Variants in AOAH observed in about 807,000 individuals in gnomAD.
AOAH encodes the protein acyloxyacyl hydrolase.
A neutral mutation model predicts 92.2 loss-of-function variants in AOAH; 64 were observed. That is an observed-to-expected ratio of 0.69 (90% confidence interval 0.57 to 0.86). The LOEUF is 0.86. Ranked by LOEUF, AOAH falls within the 40% of genes least tolerant of loss-of-function variation. The probability of loss-of-function intolerance (pLI) is 0.00; values close to 1 mark genes in which losing one functional copy is unlikely to be tolerated. For synonymous variants in AOAH, 263 were observed against 254.5 expected (o/e 1.03, Z -0.32); for missense variants, 656 against 694.6 (o/e 0.94, Z 0.62).
At chr7:36,588,283 G>A (rs895076661) in intron 12 of AOAH, among the ~76,000 whole-genome samples, 9 of 152,090 alleles carry the variant, frequency 5.9e-5, no homozygotes, top group South Asian at 2.1e-4. Context: ...TGTACCAATG[G>A]CTACATAGTG....
chr7:36,656,770 C>T (rs12531648), intron 4 of AOAH, among the ~76,000 whole-genome samples: 98,257 of 148,050 alleles, frequency 0.66, 33,437 homozygotes, highest in East Asian at 0.84. Context: ...TGCTTTATTG[C>T]TGCAAGGCCT....
chr7:36,545,101 G>C (rs1562554045), intron 15 of AOAH, among the ~76,000 whole-genome samples: 1 of 151,856 alleles, frequency 6.6e-6, no homozygotes, highest in Non-Finnish European at 1.5e-5. Context: ...ACCCAGGCTG[G>C]AGGGCAGTGG....
intron 4 of AOAH, among the ~76,000 whole-genome samples, chr7:36,652,389 A>G (rs922122853): frequency 1.3e-5 from 2 of 152,284 alleles, no homozygotes; most frequent in Non-Finnish European, 2.9e-5. Context: ...TCAATAAATT[A>G]GGGAGGAGAG....
intron 5 of AOAH, 55 bp downstream of exon 5, chr7:36,637,796 A>G: frequency 1.2e-5 from 19 of 1,528,688 alleles, no homozygotes; most frequent in Non-Finnish European, 1.7e-5. Flanking sequence ...AGCCGGGGCC[A>G]GTGAGAGAGG....
At chr7:36,607,611 C>T (rs1791104291) in intron 11 of AOAH, among the ~76,000 whole-genome samples, 1 of 152,216 alleles carries the variant, frequency 6.6e-6, no homozygotes, top group Non-Finnish European at 1.5e-5. Context: ...GAAACATACA[C>T]TCTTCCGGTT....
At position 36,533,521 on chromosome 7, in the gene AOAH, G is replaced by A. The variant is rs1784822124; in HGVS notation, c.1307-1177C>T. Among the ~76,000 whole-genome samples the A allele has an allele frequency of 2.0e-5, 3 of 152,274 alleles. No homozygotes were observed. In the South Asian group the frequency reaches 6.2e-4, roughly 32 times the overall value. ...AAAGTCACAGTGACCCGCCAGGTCT[G>A]TCTTCTGTACAGGCTTCTGTATCTT... is the stretch of plus-strand genomic sequence containing the variant. On this transcript the variant is annotated intron_variant, in intron 16 of 20. Transcript: ENST00000617537.
intron 13 of AOAH, among the ~76,000 whole-genome samples, chr7:36,574,377 A>G (rs1788344725): frequency 6.6e-6 from 1 of 152,164 alleles, no homozygotes; most frequent in South Asian, 2.1e-4. Context: ...TATCTTTGCA[A>G]TCTGAATTTT....
chr7:36,638,089 C>T (rs1793647099), intron 4 of AOAH, among the ~76,000 whole-genome samples, 179 bp from the exon 5 acceptor site: 1 of 152,122 alleles, frequency 6.6e-6, no homozygotes, highest in Admixed American at 6.5e-5. Flanking sequence ...TTATTTTGGG[C>T]TTTGCTTTGT....
chr7:36,641,013 G>T (rs1361301485), intron 4 of AOAH, among the ~76,000 whole-genome samples: 1 of 152,164 alleles, frequency 6.6e-6, no homozygotes, highest in East Asian at 1.9e-4. Context: ...ACCCTCAGGG[G>T]TTGAGAAAGC....
chr7:36,594,533 C>T (rs751351922), intron 11 of AOAH, 103 bp from the exon 12 acceptor site: 32 of 963,126 alleles, frequency 3.3e-5, no homozygotes, highest in Admixed American at 5.9e-5. Context: ...TGTCTGTTTC[C>T]CACTCTCAAT....
chr7:36,679,975 G>A (rs1157443973), intron 2 of AOAH, among the ~76,000 whole-genome samples: 1 of 152,276 alleles, frequency 6.6e-6, no homozygotes, highest in East Asian at 1.9e-4. Context: ...AATTTTATAA[G>A]TACATATTCT....
At chr7:36,552,674 C>G (rs1432273805) in intron 13 of AOAH, among the ~76,000 whole-genome samples, 1 of 152,198 alleles carries the variant, frequency 6.6e-6, no homozygotes, top group Non-Finnish European at 1.5e-5. Flanking sequence ...TGTTTCTTGA[C>G]TTTTTAATAA....
Position 36,622,031 on chromosome 7 carries a change from ATG to A in AOAH, c.583-253_583-252del, listed in dbSNP as rs146594017. On this transcript the variant is annotated intron_variant, in intron 7 of 20. Transcript: ENST00000617537. The stretch of plus-strand genomic sequence containing the variant: ...TGCATGTGTGTGCATATGTGAATGT[ATG>A]TGTGTGTGTGTGACATTAAGTGCGT... Among the ~76,000 whole-genome samples the A allele has an allele frequency of 1.6e-4, 24 of 151,770 alleles. No homozygotes were observed. In the East Asian group the frequency reaches 4.1e-3, roughly 26 times the overall value.
At chr7:36,515,248 A>G (rs1276778164) in intron 20 of AOAH, among the ~76,000 whole-genome samples, 3 of 124,312 alleles carry the variant, frequency 2.4e-5, no homozygotes, top group Admixed American at 8.7e-5. Flanking sequence ...ACAACCCCAC[A>G]CCACACACAC....
chr7:36,539,333 C>A (rs1169366092), intron 16 of AOAH, among the ~76,000 whole-genome samples: 1 of 152,176 alleles, frequency 6.6e-6, no homozygotes, highest in East Asian at 1.9e-4. Context: ...TAGATTGGTG[C>A]AGGTGCTGTC....
At chr7:36,613,508 C>T (rs1391950846) in intron 11 of AOAH, among the ~76,000 whole-genome samples, 3 of 152,226 alleles carry the variant, frequency 2.0e-5, no homozygotes, top group African/African-American at 7.2e-5. Context: ...AGCTTCCTCT[C>T]TGCCTGATGT....
In AOAH at chr7:36,724,366, G is replaced by T; in HGVS notation, c.-218C>A. The T allele has an allele frequency of 2.3e-6, 1 of 425,586 alleles. No homozygotes were observed. Among genetic ancestry groups the T allele is most frequent in the Non-Finnish European group, 4.4e-6 (1 of 229,764 alleles). The allele number at this position is 425,586 out of a possible 1,614,324, so 26.4% of individuals were successfully genotyped here. On this transcript the variant is annotated 5_prime_UTR_variant, in exon 1 of 21. Transcript: ENST00000617537. ...ACAGACCCACAGCTTGCTCTTGTTG[G>T]ACCCTGAGAGAGCCACACACAAAGA...
chr7:36,679,727 A>T (rs1434335548), intron 2 of AOAH, among the ~76,000 whole-genome samples: 1 of 152,014 alleles, frequency 6.6e-6, no homozygotes. Context: ...GTGCAATCTC[A>T]GCTCACTGCA....
chr7:36,641,891 T>G (rs961417229), intron 4 of AOAH, among the ~76,000 whole-genome samples: 1 of 152,154 alleles, frequency 6.6e-6, no homozygotes, highest in African/African-American at 2.4e-5. Flanking sequence ...CTCTGTTTAG[T>G]CCTTGATCAT....
Sources: gnomAD v4.1 joint callset for allele counts (sites outside exome capture counted in the v4.1 genomes callset) on GRCh38, gnomAD v4.1.1 for gene constraint, MANE v1.5 for transcripts, NCBI Gene and HGNC (gene_info 2026-07-23, HGNC 2026-07-21) for gene names.